The following SH3RF3 variants were observed in gnomAD, a reference collection of about 807,000 sequenced individuals.
SH3RF3 encodes the protein SH3 domain containing ring finger 3.
Under a neutral mutation model 66.3 loss-of-function variants are expected in SH3RF3, and 29 were observed. The observed-to-expected ratio is 0.44, with a 90% CI of 0.33 to 0.60. The LOEUF is 0.60. Among genes scored for constraint, SH3RF3 ranks in the 20% least tolerant of loss-of-function variants. The probability of loss-of-function intolerance (pLI) is 0.04; values close to 1 mark genes in which losing one functional copy is unlikely to be tolerated. For synonymous variants in SH3RF3, 583 were observed against 532.0 expected (o/e 1.10, Z -1.32); for missense variants, 1,194 against 1,190.9 (o/e 1.00, Z -0.04).
intron 1 of SH3RF3, among the ~76,000 whole-genome samples, chr2:109,159,372 C>T (rs1269195269): frequency 1.3e-5 from 2 of 152,220 alleles, no homozygotes; most frequent in African/African-American, 2.4e-5. Flanking sequence ...AGGGTGTATG[C>T]GTGCAGAAGG....
At chr2:109,405,249 G>A (rs1011110930) in intron 4 of SH3RF3, among the ~76,000 whole-genome samples, 8 of 152,050 alleles carry the variant, frequency 5.3e-5, no homozygotes, top group Non-Finnish European at 1.0e-4. Context: ...CCCTCTTTCC[G>A]CAAACCTGCT....
intron 2 of SH3RF3, among the ~76,000 whole-genome samples, chr2:109,366,026 A>G (rs369787892): frequency 2.0e-5 from 3 of 152,350 alleles, no homozygotes; most frequent in East Asian, 3.9e-4. Context: ...CAATTCTGTT[A>G]TGAAACTATT....
intron 1 of SH3RF3, among the ~76,000 whole-genome samples, chr2:109,256,766 A>G (rs1167229001): frequency 6.6e-6 from 1 of 152,210 alleles, no homozygotes; most frequent in Non-Finnish European, 1.5e-5. Context: ...TGAATGAATC[A>G]CTGGAGAAAA....
At chr2:109,479,315 G>A (rs1208732351) in intron 8 of SH3RF3, among the ~76,000 whole-genome samples, 1 of 152,154 alleles carries the variant, frequency 6.6e-6, no homozygotes, top group African/African-American at 2.4e-5. Flanking sequence ...AAGGCTTTTT[G>A]TAGAGGGGGG....
chr2:109,396,206 G>T (rs1242077446), intron 3 of SH3RF3, among the ~76,000 whole-genome samples: 1 of 152,244 alleles, frequency 6.6e-6, no homozygotes, highest in African/African-American at 2.4e-5. Flanking sequence ...ACGGAGGGCT[G>T]TGGGAGGGAA....
intron 1 of SH3RF3, among the ~76,000 whole-genome samples, chr2:109,185,334 C>T (rs752046634): frequency 1.3e-4 from 20 of 152,078 alleles, no homozygotes; most frequent in Non-Finnish European, 8.8e-5. Context: ...TTTTTTTAAA[C>T]AATAAAAGAT....
intron 8 of SH3RF3, among the ~76,000 whole-genome samples, chr2:109,449,864 A>G (rs1677816065): frequency 6.6e-6 from 1 of 152,254 alleles, no homozygotes; most frequent in African/African-American, 2.4e-5. Flanking sequence ...TAAATATACA[A>G]ATCTACGTGT....
chr2:109,297,661 C>T (rs1013251251), intron 1 of SH3RF3, among the ~76,000 whole-genome samples: 1 of 151,470 alleles, frequency 6.6e-6, no homozygotes, highest in African/African-American at 2.4e-5. Flanking sequence ...GTGTCCCCCA[C>T]CCTGGTCAGT....
In SH3RF3 at chr2:109,223,402, G is replaced by A. The variant is rs376056148; in HGVS notation, c.573+93289G>A. Reference sequence around the variant, plus strand: ...GGCCACTAGGAGCTGCCGTGTGCTCGCTGTGATGGAGTTGCCGAAGTGCTT... The same window carrying A: ...GGCCACTAGGAGCTGCCGTGTGCTCACTGTGATGGAGTTGCCGAAGTGCTT... On this transcript the variant is annotated intron_variant, in intron 1 of 9. Transcript: ENST00000309415. 2.6e-5 allele frequency among the ~76,000 whole-genome samples: 4 copies of A among 152,310 alleles called. No individual in the cohort carries two copies. The East Asian group carries it at 5.8e-4, about 22-fold the overall frequency.
chr2:109,414,927 CAT>C (rs1200226254), intron 4 of SH3RF3, among the ~76,000 whole-genome samples: 10 of 152,324 alleles, frequency 6.6e-5, no homozygotes, highest in African/African-American at 2.2e-4. Context: ...TGTGTCACCT[CAT>C]GTGGCAAACG....
intron 1 of SH3RF3, among the ~76,000 whole-genome samples, chr2:109,322,279 TAAATCCAGATCC>T (rs558550906): frequency 7.7e-4 from 117 of 152,190 alleles, no homozygotes; most frequent in Non-Finnish European, 1.5e-3. Context: ...GTTGAAGTCA[TAAATCCAGATCC>T]TGCTCTGTAA....
intron 1 of SH3RF3, among the ~76,000 whole-genome samples, chr2:109,168,189 A>C (rs921347984): frequency 3.3e-5 from 5 of 152,218 alleles, no homozygotes; most frequent in African/African-American, 1.2e-4. Flanking sequence ...GTGATTTGCA[A>C]ACATTGCATC....
At chr2:109,158,233 C>T (rs1677397752) in intron 1 of SH3RF3, among the ~76,000 whole-genome samples, 1 of 152,196 alleles carries the variant, frequency 6.6e-6, no homozygotes, top group African/African-American at 2.4e-5. Context: ...CCTCAGGCTC[C>T]TGTGGATGAC....
chr2:109,215,058 A>G (rs1007852016), intron 1 of SH3RF3, among the ~76,000 whole-genome samples: 3 of 152,220 alleles, frequency 2.0e-5, no homozygotes, highest in Non-Finnish European at 4.4e-5. Flanking sequence ...AAAGCTGTCC[A>G]TGGAAAAAAT....
chr2:109,469,663 A>G (rs1678450902), intron 8 of SH3RF3, among the ~76,000 whole-genome samples: 1 of 152,190 alleles, frequency 6.6e-6, no homozygotes, highest in African/African-American at 2.4e-5. Context: ...CTGATTAAGG[A>G]CAAATCCACA....
chr2:109,489,119 A>G lies in SH3RF3; in HGVS notation c.2149-1486A>G, dbSNP rs776282099. ...AGTGGAGTTGGAGGCTGGGATCCACACTTGCCCAGGGCACACCTTCATTAT... is the reference window on the plus strand; with the variant it reads ...AGTGGAGTTGGAGGCTGGGATCCACGCTTGCCCAGGGCACACCTTCATTAT... On this transcript the variant is annotated intron_variant, in intron 8 of 9. Coordinates refer to ENST00000309415, the MANE Select transcript of SH3RF3 (RefSeq NM_001099289.3). Among the ~76,000 whole-genome samples the G allele has an allele frequency of 1.1e-3, 172 of 152,358 alleles. 2 individuals carry two copies. Among genetic ancestry groups the G allele is most frequent in the Middle Eastern group, 0.01 (3 of 294 alleles).
chr2:109,444,178 GATATT>G (rs1297564537), intron 7 of SH3RF3, among the ~76,000 whole-genome samples: 1 of 152,092 alleles, frequency 6.6e-6, no homozygotes, highest in African/African-American at 2.4e-5. Flanking sequence ...AATCAAAAGG[GATATT>G]ATAACGCATT....
chr2:109,450,276 G>C (rs1312582861), intron 8 of SH3RF3, among the ~76,000 whole-genome samples: 1 of 152,002 alleles, frequency 6.6e-6, no homozygotes. Context: ...AAACCGGGGG[G>C]CAGAGCCTGC....
At chr2:109,433,858 A>G (rs1445419684) in intron 6 of SH3RF3, among the ~76,000 whole-genome samples, 1 of 152,214 alleles carries the variant, frequency 6.6e-6, no homozygotes, top group Non-Finnish European at 1.5e-5. Context: ...TTGAGAAGCA[A>G]ACTGCAGAGG....
Sources: gnomAD v4.1 joint callset for allele counts (sites outside exome capture counted in the v4.1 genomes callset) on GRCh38, gnomAD v4.1.1 for gene constraint, MANE v1.5 for transcripts, NCBI Gene and HGNC (gene_info 2026-07-23, HGNC 2026-07-21) for gene names.